Variants in NEK6 observed in about 807,000 individuals in gnomAD.
NEK6 encodes serine/threonine-protein kinase Nek6.
Under a neutral mutation model 43.5 loss-of-function variants are expected in NEK6, and 27 were observed. That is an observed-to-expected ratio of 0.62 (90% confidence interval 0.46 to 0.86). The LOEUF (loss-of-function observed/expected upper bound fraction) is 0.86. Ranked by LOEUF, NEK6 falls within the 40% of genes least tolerant of loss-of-function variation. The probability of loss-of-function intolerance (pLI) is 0.00; values close to 1 mark genes in which losing one functional copy is unlikely to be tolerated. For missense variants in NEK6, 318 were observed against 414.4 expected (o/e 0.77, Z 2.02); for synonymous variants, 167 against 164.1 (o/e 1.02, Z -0.14).
intron 5 of NEK6, among the ~76,000 whole-genome samples, chr9:124,323,816 C>T (rs968346361): frequency 6.6e-6 from 1 of 152,198 alleles, no homozygotes; most frequent in African/African-American, 2.4e-5. Context: ...CATCCCTTCT[C>T]TATGCCAGGC....
Position 124,326,213 on chromosome 9 carries a change from C to A in NEK6, c.406-117C>A, listed in dbSNP as rs1010079122. 2.8e-5 allele frequency: 5 copies of A among 178,878 alleles called. No individual in the cohort carries two copies. The highest frequency in any genetic ancestry group is 1.5e-4 in the Admixed American group (3 of 19,478). The allele number at this position is 178,878 out of a possible 1,614,324, so 11.1% of individuals were successfully genotyped here. On this transcript the variant is annotated intron_variant, in intron 5 of 9. Coordinates refer to ENST00000320246, the MANE Select transcript of NEK6 (RefSeq NM_014397.6). This position sits in a 1 kb window ranked among gnomAD's most constrained non-coding sequence, Gnocchi z 4.5. ...GCTCAGTGGCTCAATCCCCCCCCCCCGCCCCTGCCAGGCACCAGTTACCCA... is the reference window on the plus strand; with the variant it reads ...GCTCAGTGGCTCAATCCCCCCCCCCAGCCCCTGCCAGGCACCAGTTACCCA...
chr9:124,294,597 G>A (rs1257148745), intron 1 of NEK6, among the ~76,000 whole-genome samples: 1 of 152,156 alleles, frequency 6.6e-6, no homozygotes, highest in Non-Finnish European at 1.5e-5. Context: ...TTTAGTCCAA[G>A]GCTGGTGCAT....
chr9:124,291,369 G>A (rs1288298453), intron 1 of NEK6, among the ~76,000 whole-genome samples: 1 of 152,226 alleles, frequency 6.6e-6, no homozygotes, highest in African/African-American at 2.4e-5. Context: ...GCTCACGCCT[G>A]TAATCTTACC....
At chr9:124,318,946 C>T (rs569547824) in intron 4 of NEK6, among the ~76,000 whole-genome samples, 2 of 152,060 alleles carry the variant, frequency 1.3e-5, no homozygotes, top group East Asian at 1.9e-4. Context: ...GCTAGGATTA[C>T]AGGCGTGAGC....
chr9:124,298,381 G>A (rs1832801468), intron 1 of NEK6, among the ~76,000 whole-genome samples: 1 of 152,068 alleles, frequency 6.6e-6, no homozygotes, highest in South Asian at 2.1e-4. Flanking sequence ...GTTCCATTAG[G>A]TTCTGAACAG....
rs199605725 is a variant in NEK6 at position 124,312,502 on chromosome 9, G to T, written c.91-7G>T. 3.8e-5 allele frequency: 62 copies of T among 1,611,798 alleles called. No homozygotes were observed. In the African/African-American group the frequency reaches 8.3e-4, roughly 22 times the overall value. The stretch of plus-strand genomic sequence containing the variant: ...TGCTCACGGAGGCCCTCTGTCCCCC[G>T]TTCCAGAGGCATCCCAACACGCTGT... On this transcript the variant is annotated splice_region_variant and splice_polypyrimidine_tract_variant and intron_variant, in intron 2 of 9. Transcript: ENST00000320246.
intron 1 of NEK6, among the ~76,000 whole-genome samples, chr9:124,295,111 A>T (rs1564628191): frequency 6.6e-6 from 1 of 152,210 alleles, no homozygotes; most frequent in Non-Finnish European, 1.5e-5. Flanking sequence ...CACCACCCTG[A>T]GGAAGGGGGC....
intron 4 of NEK6, 82 bp from the exon 5 acceptor site, chr9:124,321,377 A>G (rs2130914765): frequency 7.2e-6 from 6 of 838,180 alleles, no homozygotes; most frequent in Non-Finnish European, 1.2e-5. Context: ...ACCGGGTGCC[A>G]GCAGGGTGCC....
chr9:124,323,244 G>T (rs1047914128), intron 5 of NEK6, among the ~76,000 whole-genome samples: 1 of 152,216 alleles, frequency 6.6e-6, no homozygotes. Context: ...CCTGGAGGAG[G>T]TGACACTGAG....
In NEK6 at chr9:124,347,786, C is replaced by T; in HGVS notation, c.795C>T (p.Asp265=). 1 of 1,613,080 alleles carries T rather than the reference C, an allele frequency of 6.2e-7. No individual in the cohort carries two copies. Among genetic ancestry groups the T allele is most frequent in the Non-Finnish European group, 8.5e-7 (1 of 1,179,344 alleles). Residue 265 remains aspartate (D), a synonymous_variant, in exon 9 of 10, where the codon GAC becomes GAT. Transcript: ENST00000320246. ...FSLCQKIEQC[D]YPPLPGEHYS... Reference sequence around the variant, plus strand: ...TGTGCCAGAAGATCGAGCAGTGTGACTACCCCCCACTCCCCGGGGAGCACT... The same window carrying T: ...TGTGCCAGAAGATCGAGCAGTGTGATTACCCCCCACTCCCCGGGGAGCACT...
At chr9:124,261,548 A>G (rs1229337262) in intron 1 of NEK6, 9 of 985,432 alleles carry the variant, frequency 9.1e-6, no homozygotes, top group Non-Finnish European at 1.1e-5. Flanking sequence ...GGCCTGACTC[A>G]CAGTCCTAAA....
At chr9:124,260,768 CAACACT>C (rs1381596982) in intron 1 of NEK6, among the ~76,000 whole-genome samples, 1 of 152,182 alleles carries the variant, frequency 6.6e-6, no homozygotes, top group Non-Finnish European at 1.5e-5. Flanking sequence ...GTCCACTCAC[CAACACT>C]AAGATGGAAG....
In NEK6 at chr9:124,343,226, C is replaced by T. The variant is rs866353260; in HGVS notation, c.717+3561C>T. 7.6e-5 allele frequency among the ~76,000 whole-genome samples: 4 copies of T among 52,378 alleles called. No homozygotes were observed. In the East Asian group the frequency reaches 1.7e-3, roughly 22 times the overall value. 34.4% of individuals were successfully genotyped at this position (52,378 alleles called of 152,430 possible). The stretch of plus-strand genomic sequence containing the variant: ...GCAGCTGGGGGGGCTGGACCACAGC[C>T]GGGGGGCGGTGAGGGGACGGATCGC... On this transcript the variant is annotated intron_variant, in intron 8 of 9. Transcript: ENST00000320246. The surrounding 1 kb of genome is among the most constrained non-coding windows in gnomAD (Gnocchi z 5.1).
At chr9:124,319,833 G>A (rs774583121) in intron 4 of NEK6, among the ~76,000 whole-genome samples, 6 of 152,180 alleles carry the variant, frequency 3.9e-5, no homozygotes, top group Non-Finnish European at 8.8e-5. Flanking sequence ...TGCTGTTTTG[G>A]TTACCATAGG....
At chr9:124,318,685 A>G (rs1010490219) in intron 4 of NEK6, among the ~76,000 whole-genome samples, 1 of 150,218 alleles carries the variant, frequency 6.7e-6, no homozygotes, top group Non-Finnish European at 1.5e-5. Context: ...TTTATTTTTT[A>G]TTTTGAGACA....
intron 1 of NEK6, among the ~76,000 whole-genome samples, chr9:124,264,406 G>T (rs1346895056): frequency 6.6e-6 from 1 of 152,188 alleles, no homozygotes; most frequent in Non-Finnish European, 1.5e-5. Context: ...GTAACACCAG[G>T]CACCAGCCCC....
intron 7 of NEK6, among the ~76,000 whole-genome samples, chr9:124,336,528 T>C (rs913326029): frequency 1.3e-5 from 2 of 152,170 alleles, no homozygotes; most frequent in African/African-American, 2.4e-5. Context: ...GTCCAGCCCC[T>C]GAATGGTCCA....
rs1473091875 is a variant in NEK6, at chr9:124,312,526, G to C, written c.108G>C (p.Leu36=). 3 of 1,614,042 alleles carry C rather than the reference G, an allele frequency of 1.9e-6. No homozygotes were observed. Among genetic ancestry groups the C allele is most frequent in the Non-Finnish European group, 2.5e-6 (3 of 1,179,948 alleles). Residue 36 remains leucine, a synonymous_variant, in exon 3 of 10, where the codon CTG becomes CTC. Transcript: ENST00000320246. ...CGTTCCAGAGGCATCCCAACACGCTGTCTTTTCGCTGCTCGCTGGCGGACT... is the reference window on the plus strand; with the variant it reads ...CGTTCCAGAGGCATCCCAACACGCTCTCTTTTCGCTGCTCGCTGGCGGACT... ...PPDPQRHPNT[L]SFRCSLADFQ... is the part of the protein sequence containing the mutation.
chr9:124,313,120 A>G (rs772432885), intron 3 of NEK6, among the ~76,000 whole-genome samples: 3 of 152,196 alleles, frequency 2.0e-5, no homozygotes, highest in African/African-American at 4.8e-5. Context: ...GACAGGAGCC[A>G]TGTCCATGAG....
Sources: allele counts gnomAD v4.1 joint callset (sites outside exome capture counted in the v4.1 genomes callset), GRCh38; gene constraint gnomAD v4.1.1; non-coding constraint Gnocchi (gnomAD v3.1); transcripts MANE v1.5; gene names NCBI Gene and HGNC (gene_info 2026-07-23, HGNC 2026-07-21).